Variants in PAMR1 observed in about 807,000 individuals in gnomAD.
The protein encoded by PAMR1 is peptidase domain containing associated with muscle regeneration 1.
In PAMR1, 88 loss-of-function variants were observed where a neutral mutation model predicts 81.8. The observed-to-expected ratio is 1.08, with a 90% CI of 0.91 to 1.28. PAMR1 has a LOEUF of 1.28. Among genes scored for constraint, PAMR1 ranks in the 50% most tolerant of loss-of-function variants. The pLI, the probability that PAMR1 is intolerant of heterozygous loss-of-function variation, is 0.00. For missense variants in PAMR1, 935 were observed against 919.7 expected (o/e 1.02, Z -0.21); for synonymous variants, 336 against 345.3 (o/e 0.97, Z 0.30).
Position 35,432,369 on chromosome 11 carries a change from C to T in PAMR1, c.2150G>A (p.Arg717Lys). 6.2e-7 allele frequency: 1 copy of T among 1,611,404 alleles called. No homozygotes were observed. Among genetic ancestry groups the T allele is most frequent in the Non-Finnish European group, 8.5e-7 (1 of 1,179,730 alleles). Reference protein sequence around the residue: ...KVLPFKDWIERNMK With the variant: ...KVLPFKDWIEKNMK ...CATGAGCATGGTTCATTTCATATTT[C>T]TTTCAATCCAGTCTTTAAAAGGCAG... Residue 717 changes from arginine to lysine, a missense_variant, in exon 11 of 11, where the codon AGA becomes AAA. Arg to Lys is a conservative substitution (Grantham distance 26). Coordinates refer to ENST00000619888, the MANE Select transcript of PAMR1 (RefSeq NM_001001991.3).
chr11:35,511,935 C>T (rs1012714219), intron 1 of PAMR1, among the ~76,000 whole-genome samples: 16 of 152,292 alleles, frequency 1.1e-4, no homozygotes, highest in African/African-American at 3.8e-4. Flanking sequence ...TATCCCTCCC[C>T]CTGAGCTTTT....
intron 1 of PAMR1, among the ~76,000 whole-genome samples, chr11:35,516,937 T>C (rs1851175283): frequency 6.6e-6 from 1 of 152,120 alleles, no homozygotes; most frequent in Non-Finnish European, 1.5e-5. Flanking sequence ...GAGAAGCCTC[T>C]GTGAGAGGGG....
At chr11:35,437,293 G>A (rs1454332869) in intron 8 of PAMR1, among the ~76,000 whole-genome samples, 2 of 152,226 alleles carry the variant, frequency 1.3e-5, no homozygotes, top group South Asian at 4.1e-4. Flanking sequence ...AGTGCAGAGA[G>A]GCAAGTGGAA....
chr11:35,447,085 A>T (rs1427487159), intron 6 of PAMR1, among the ~76,000 whole-genome samples: 27 of 151,960 alleles, frequency 1.8e-4, no homozygotes, highest in Non-Finnish European at 2.9e-5. Context: ...TGATTATATA[A>T]TGCCCTTCTT....
At chr11:35,447,272 GGC>G (rs1333383132) in intron 6 of PAMR1, among the ~76,000 whole-genome samples, 1 of 145,580 alleles carries the variant, frequency 6.9e-6, no homozygotes, top group Admixed American at 7.1e-5. Context: ...GTGCGATCTC[GGC>G]TCACTGCAAG....
chr11:35,451,487 T>A (rs1298253543), intron 6 of PAMR1, among the ~76,000 whole-genome samples: 1 of 152,220 alleles, frequency 6.6e-6, no homozygotes, highest in Non-Finnish European at 1.5e-5. Flanking sequence ...CATGTAGTAT[T>A]TCCTTCCTCA....
chr11:35,480,457 T>C (rs1590358795), intron 3 of PAMR1, among the ~76,000 whole-genome samples: 1 of 152,224 alleles, frequency 6.6e-6, no homozygotes, highest in East Asian at 1.9e-4. Context: ...CTCTTTTCCC[T>C]GTGCTTCAGT....
At chr11:35,514,882 G>C (rs1292995164) in intron 1 of PAMR1, among the ~76,000 whole-genome samples, 1 of 152,110 alleles carries the variant, frequency 6.6e-6, no homozygotes, top group African/African-American at 2.4e-5. Context: ...GTACACAACT[G>C]TGGTCCCAGC....
chr11:35,438,114 A>G (rs1362837974), intron 8 of PAMR1, among the ~76,000 whole-genome samples: 1 of 152,204 alleles, frequency 6.6e-6, no homozygotes, highest in Non-Finnish European at 1.5e-5. Context: ...CAGCCTTTAC[A>G]TAAGACTCAA....
In PAMR1 at chr11:35,434,566, CA is replaced by C; in HGVS notation, c.1571del (p.Leu524TrpfsTer41). The C allele has an allele frequency of 6.2e-7, 1 of 1,614,068 alleles. No individual in the cohort carries two copies. Among genetic ancestry groups the C allele is most frequent in the South Asian group, 1.1e-5 (1 of 91,070 alleles). On this transcript the variant is annotated frameshift_variant, in exon 10 of 11. Coordinates refer to ENST00000619888, the MANE Select transcript of PAMR1 (RefSeq NM_001001991.3). LOFTEE classifies it high-confidence loss of function. ...MIKTADLKVVLGKFYRDDDRD... is the reference protein window; with the variant it reads ...MIKTADLKVVXGKFYRDDDRD... ...GGTCATCATCCCGGTAGAATTTCCCCAAAACAACTTTCAGGTCTGCTGTCTT... is the reference window on the plus strand; with the variant it reads ...GGTCATCATCCCGGTAGAATTTCCCCAAACAACTTTCAGGTCTGCTGTCTT...
intron 6 of PAMR1, among the ~76,000 whole-genome samples, chr11:35,463,703 A>G (rs614527): frequency 0.98 from 148,491 of 152,274 alleles, 72,425 homozygotes; most frequent in East Asian, 1. Context: ...TTGTGCTTCC[A>G]AGGAGGTCAC....
chr11:35,458,199 T>C (rs768194668), intron 6 of PAMR1, among the ~76,000 whole-genome samples: 5 of 152,184 alleles, frequency 3.3e-5, no homozygotes, highest in Non-Finnish European at 5.9e-5. Context: ...TCAGCACCCA[T>C]CCTTAGATAA....
rs772382832 is a variant in PAMR1 at position 35,441,526 on chromosome 11, G to A, written c.988C>T (p.Gln330Ter). ...TTCCCTGACCACTCTCCATTCTGCT[G>A]GCAAGTTCTTTTCTCATTGCCACTA... ...VLSGNEKRTC[Q>*]QNGEWSGKQP... Residue 330 changes from glutamine to a stop codon, truncating the protein, a stop_gained, in exon 7 of 11, where the codon CAG becomes TAG. Transcript: ENST00000619888. LOFTEE classifies it high-confidence loss of function. The A allele has an allele frequency of 5.0e-6, 8 of 1,613,640 alleles. No individual in the cohort carries two copies. Among genetic ancestry groups the A allele is most frequent in the Non-Finnish European group, 6.8e-6 (8 of 1,179,912 alleles).
intron 5 of PAMR1, among the ~76,000 whole-genome samples, chr11:35,470,332 A>G (rs1297065613): frequency 6.6e-6 from 1 of 152,188 alleles, no homozygotes; most frequent in Non-Finnish European, 1.5e-5. Context: ...TTCTGCCCCT[A>G]TATCTGTGTG....
chr11:35,521,915 G>GTTTTTTTTTTTT (rs955580689), intron 1 of PAMR1, among the ~76,000 whole-genome samples: 2 of 149,936 alleles, frequency 1.3e-5, no homozygotes, highest in East Asian at 3.9e-4. Context: ...TTTTTGTTTG[G>GTTTTTTTTTTTT]TTTTTTTTTG....
chr11:35,436,621 CTCTT>C (rs1198752351), intron 8 of PAMR1, among the ~76,000 whole-genome samples: 8 of 151,252 alleles, frequency 5.3e-5, no homozygotes, highest in African/African-American at 9.8e-5. Context: ...CTCTGTTTCT[CTCTT>C]TCTGTCTCTC....
At chr11:35,524,699 C>A (rs570869571) in intron 1 of PAMR1, among the ~76,000 whole-genome samples, 1 of 152,154 alleles carries the variant, frequency 6.6e-6, no homozygotes, top group Non-Finnish European at 1.5e-5. Context: ...GACAGATGTT[C>A]CTATGACGTT....
intron 9 of PAMR1, among the ~76,000 whole-genome samples, chr11:35,435,115 G>A (rs1382661680): frequency 6.6e-6 from 1 of 152,104 alleles, no homozygotes; most frequent in African/African-American, 2.4e-5. Flanking sequence ...AAAATGGATA[G>A]AACAATAATA....
At chr11:35,434,386 A>G in intron 10 of PAMR1, 126 bp downstream of exon 10, 1 of 821,104 alleles carries the variant, frequency 1.2e-6, no homozygotes, top group Non-Finnish European at 2.0e-6. Flanking sequence ...GAACGCTGCT[A>G]TATGCGAGGC....
Sources: allele counts gnomAD v4.1 joint callset (sites outside exome capture counted in the v4.1 genomes callset), GRCh38; gene constraint gnomAD v4.1.1; transcripts MANE v1.5; gene names NCBI Gene and HGNC (gene_info 2026-07-23, HGNC 2026-07-21).